KIF24: variants seen among roughly 807,000 people sequenced by gnomAD.
The protein encoded by KIF24 is kinesin-like protein KIF24.
Under a neutral mutation model 118.9 loss-of-function variants are expected in KIF24, and 81 were observed. The observed-to-expected ratio is 0.68, with a 90% CI of 0.57 to 0.82. KIF24 has a LOEUF of 0.82. Among genes scored for constraint, KIF24 ranks in the 40% least tolerant of loss-of-function variants. The pLI, the probability that KIF24 is intolerant of heterozygous loss-of-function variation, is 0.00. For synonymous variants in KIF24, 599 were observed against 610.0 expected, an observed-to-expected ratio of 0.98 and a Z score of 0.27; for missense variants, 1,560 against 1,661.6, an observed-to-expected ratio of 0.94 and a Z score of 1.06.
chr9:34,319,023 A>G lies in KIF24; in HGVS notation c.-25-7652T>C, dbSNP rs61752359. ...CTGCTTGTCAACACCATGTTCTTCA[A>G]GCCACACTGGAATGAGAAATTCCAC... On this transcript the variant is annotated intron_variant, in intron 1 of 12. Transcript: ENST00000402558. The G allele has an allele frequency of 3.7e-3, 4,624 of 1,234,946 alleles. 14 individuals are homozygous for G. Among genetic ancestry groups the G allele is most frequent in the Non-Finnish European group, 4.7e-3 (3,957 of 835,242 alleles). 76.5% of individuals were successfully genotyped at this position (1,234,946 alleles called of 1,614,324 possible).
rs913712731 is a variant in KIF24, at chr9:34,302,856, A to C, written c.813+3396T>G. ...AGTGGTGCGATCTCGGCTCACTGCA[A>C]GCTCCGCCTCCCGGGTTCACGCCAT... On this transcript the variant is annotated intron_variant, in intron 3 of 12. Transcript: ENST00000402558. 6.0e-5 allele frequency among the ~76,000 whole-genome samples: 9 copies of C among 149,374 alleles called. 1 individual carries two copies. Among genetic ancestry groups the C allele is most frequent in the African/African-American group, 2.2e-4 (9 of 40,404 alleles).
rs78050591 is a variant in KIF24, at chr9:34,261,842, C to T, written c.1515+1259G>A. Among the ~76,000 whole-genome samples the T allele has an allele frequency of 5.2e-3, 672 of 129,362 alleles. 8 individuals are homozygous for T. The highest frequency in any genetic ancestry group is 0.017 in the African/African-American group (619 of 36,942). The allele number at this position is 129,362 out of a possible 152,430, so 84.9% of individuals were successfully genotyped here. A position where few individuals can be genotyped will look rare whatever the true frequency, so the allele number is the denominator to read the frequency against. ...GCCTGAAGCCATTATTTTTTTGTGCCGAAACAGTGGTCTAAGTCTTAGAGC... is the reference window on the plus strand; with the variant it reads ...GCCTGAAGCCATTATTTTTTTGTGCTGAAACAGTGGTCTAAGTCTTAGAGC... On this transcript the variant is annotated intron_variant, in intron 9 of 12. Coordinates refer to ENST00000402558, the MANE Select transcript of KIF24 (RefSeq NM_194313.4).
Position 34,256,035 on chromosome 9 carries a change from G to A in KIF24, c.3572C>T (p.Pro1191Leu). ...TACCCCCATATGTATGGTGGTGAAG[G>A]GCTTTCCTGGGAAACCCCAGGAGCC... Reference protein sequence around the residue: ...LDGSWGFPGKPFTTIHMGVPH... With the variant: ...LDGSWGFPGKLFTTIHMGVPH... Residue 1191 changes from proline to leucine, a missense_variant, in exon 11 of 13, where the codon CCC becomes CTC. This residue lies in a region of KIF24 where 591 missense variants were observed against 655.6 expected (regional missense o/e 0.90). Coordinates refer to ENST00000402558, the MANE Select transcript of KIF24 (RefSeq NM_194313.4). The A allele has an allele frequency of 6.2e-7, 1 of 1,613,934 alleles. No individual in the cohort carries two copies. The highest frequency in any genetic ancestry group is 2.2e-5 in the East Asian group (1 of 44,874).
chr9:34,305,266 T>A (rs1305719186), intron 3 of KIF24, among the ~76,000 whole-genome samples: 1 of 152,214 alleles, frequency 6.6e-6, no homozygotes, highest in African/African-American at 2.4e-5. Flanking sequence ...TAGTGTTTTA[T>A]TTAAACCCTT....
rs917650351 is a variant in KIF24, at chr9:34,318,675, C to T, written c.-25-7304G>A. On this transcript the variant is annotated intron_variant, in intron 1 of 12. Coordinates refer to ENST00000402558, the MANE Select transcript of KIF24 (RefSeq NM_194313.4). This position sits in a 1 kb window ranked among gnomAD's most constrained non-coding sequence, Gnocchi z 4.9. ...CTGGGCGGCAAGGCGACCACGGCGT[C>T]GGAGGCCAAGGCAGTGCTGAGTGCC... is the stretch of plus-strand genomic sequence containing the variant. The T allele has an allele frequency of 1.8e-5, 28 of 1,541,118 alleles. No homozygotes were observed. The highest frequency in any genetic ancestry group is 1.5e-4 in the South Asian group (13 of 86,902).
chr9:34,332,555 A>G (rs568602118), upstream of KIF24, among the ~76,000 whole-genome samples: 134 of 152,324 alleles, frequency 8.8e-4, no homozygotes, highest in African/African-American at 3.0e-3. Flanking sequence ...AGAATTGTAC[A>G]GCAGATGGCA....
rs1474583944 is a variant in KIF24 at position 34,318,678 on chromosome 9, AG to A, written c.-25-7308del. Reference sequence around the variant, plus strand: ...GGCGGCAAGGCGACCACGGCGTCGGAGGCCAAGGCAGTGCTGAGTGCCAAGC... The same window carrying A: ...GGCGGCAAGGCGACCACGGCGTCGGAGCCAAGGCAGTGCTGAGTGCCAAGC... On this transcript the variant is annotated intron_variant, in intron 1 of 12. Transcript: ENST00000402558. This position sits in a 1 kb window ranked among gnomAD's most constrained non-coding sequence, Gnocchi z 4.9. 161 of 1,539,138 alleles carry A rather than the reference AG, an allele frequency of 1.0e-4. 2 individuals are homozygous for A. The South Asian group carries it at 1.8e-3, about 17-fold the overall frequency.
intron 2 of KIF24, among the ~76,000 whole-genome samples, chr9:34,307,401 T>TA (rs145662656): frequency 0.038 from 5,478 of 143,734 alleles, 244 homozygotes; most frequent in African/African-American, 0.11. Flanking sequence ...TGAATTGGTT[T>TA]AAAAAAAAAA....
At chr9:34,263,741 T>C (rs912855388) in intron 8 of KIF24, among the ~76,000 whole-genome samples, 12 of 150,004 alleles carry the variant, frequency 8.0e-5, no homozygotes, top group African/African-American at 2.9e-4. Flanking sequence ...TTTCTTAATT[T>C]TTTTTTTTTT....
At chr9:34,281,458 G>T (rs892378443) in intron 6 of KIF24, among the ~76,000 whole-genome samples, 1 of 152,042 alleles carries the variant, frequency 6.6e-6, no homozygotes. Context: ...TGTGATTCTG[G>T]GTTATCACTT....
At chr9:34,329,521 A>T (rs1159499957), upstream of KIF24, 1 of 152,200 alleles carries the variant, frequency 6.6e-6, no homozygotes, top group African/African-American at 2.4e-5. Context: ...GATGGGCCCA[A>T]GCGTAACCAG....
Position 34,255,734 on chromosome 9 carries a change from C to T in KIF24, c.3872+1G>A, listed in dbSNP as rs749878777. On this transcript the variant is annotated splice_donor_variant, in intron 11 of 12. Transcript: ENST00000402558. LOFTEE classifies it high-confidence loss of function. ...AGTCTTAGGGAAAGTGTCCAACTTACTGCGCTTGCTCCAGGGTGGGCTGAC... is the reference window on the plus strand; with the variant it reads ...AGTCTTAGGGAAAGTGTCCAACTTATTGCGCTTGCTCCAGGGTGGGCTGAC... 24 of 1,605,374 alleles carry T rather than the reference C, an allele frequency of 1.5e-5. No individual in the cohort carries two copies. Among genetic ancestry groups the T allele is most frequent in the East Asian group, 4.5e-5 (2 of 44,836 alleles).
chr9:34,265,762 TTGC>T (rs777971230), intron 8 of KIF24, among the ~76,000 whole-genome samples: 370 of 152,192 alleles, frequency 2.4e-3, no homozygotes, highest in South Asian at 6.2e-3. Flanking sequence ...CAAATAAATG[TTGC>T]TAGGAACTAA....
intron 6 of KIF24, among the ~76,000 whole-genome samples, chr9:34,286,361 A>T (rs955318497): frequency 6.6e-6 from 1 of 151,996 alleles, no homozygotes. Flanking sequence ...AACAAAAAGA[A>T]ACTGGCCCAG....
chr9:34,261,514 G>GT (rs1362302717), intron 9 of KIF24, among the ~76,000 whole-genome samples: 3 of 152,102 alleles, frequency 2.0e-5, no homozygotes, highest in Admixed American at 2.0e-4. Flanking sequence ...TTTGTGTAGT[G>GT]TTTTTTTCCA....
At chr9:34,290,647 T>C (rs1836223230) in intron 4 of KIF24, among the ~76,000 whole-genome samples, 1 of 151,648 alleles carries the variant, frequency 6.6e-6, no homozygotes, top group African/African-American at 2.4e-5. Context: ...TCAACCAGGC[T>C]GGAGTGCAGT....
chr9:34,264,486 C>A (rs771643578), intron 8 of KIF24, among the ~76,000 whole-genome samples: 1 of 151,660 alleles, frequency 6.6e-6, no homozygotes, highest in African/African-American at 2.4e-5. Flanking sequence ...GGAATTGCCA[C>A]CAAGAATAGG....
intron 3 of KIF24, among the ~76,000 whole-genome samples, chr9:34,298,159 A>G (rs1165619755): frequency 2.0e-5 from 3 of 152,342 alleles, no homozygotes; most frequent in African/African-American, 7.2e-5. Flanking sequence ...GTCAAAGCAT[A>G]GAAGCACAAG....
chr9:34,324,917 C>T, intron 1 of KIF24, among the ~76,000 whole-genome samples: 1 of 152,162 alleles, frequency 6.6e-6, no homozygotes, highest in East Asian at 1.9e-4. Flanking sequence ...TCAGATGTCC[C>T]TTCCGTGTCT....
Sources: allele counts gnomAD v4.1 joint callset (sites outside exome capture counted in the v4.1 genomes callset), GRCh38; gene constraint gnomAD v4.1.1; regional missense constraint gnomAD v4.1.1; non-coding constraint Gnocchi (gnomAD v3.1); transcripts MANE v1.5; gene names NCBI Gene and HGNC (gene_info 2026-07-23, HGNC 2026-07-21).